Variants in FOCAD observed in about 807,000 individuals in gnomAD.
The protein encoded by FOCAD is KIAA1797.
A neutral mutation model predicts 225.6 loss-of-function variants in FOCAD; 198 were observed. The ratio of observed to expected loss-of-function variants is 0.88; its 90% CI spans 0.78 to 0.99. The LOEUF is 0.99. FOCAD is among the 50% of genes least tolerant of loss of function. The probability of loss-of-function intolerance (pLI) is 0.00; values close to 1 mark genes in which losing one functional copy is unlikely to be tolerated. For synonymous variants in FOCAD, 897 were observed against 755.0 expected (o/e 1.19, Z -3.08); for missense variants, 2,713 against 2,123.6 (o/e 1.28, Z -5.46).
chr9:20,759,190 G>T (rs562921876), intron 6 of FOCAD, among the ~76,000 whole-genome samples: 2 of 152,060 alleles, frequency 1.3e-5, no homozygotes, highest in East Asian at 3.9e-4. Context: ...TGGCCATACT[G>T]CCCAAGGCCA....
In FOCAD at chr9:20,815,123, G is replaced by GTGTTTTTTTTTTTTTTTTTTTTTTTTT. The variant is rs1564024181; in HGVS notation, c.1456-4672_1456-4671insGTTTTTTTTTTTTTTTTTTTTTTTTTT. On this transcript the variant is annotated intron_variant, in intron 11 of 43. Transcript: ENST00000338382. ...TCTGGAAATATCATTACTTCTCTTT[G>GTGTTTTTTTTTTTTTTTTTTTTTTTTT]TTTTTTTTTTTTTGTTTTTTTTTTT... 5.7e-4 allele frequency among the ~76,000 whole-genome samples: 49 copies of GTGTTTTTTTTTTTTTTTTTTTTTTTTT among 85,384 alleles called. 11 individuals carry two copies. The highest frequency in any genetic ancestry group is 2.0e-3 in the South Asian group (5 of 2,522). The allele number at this position is 85,384 out of a possible 152,430, so 56.0% of individuals were successfully genotyped here.
chr9:20,772,822 A>T (rs1295764122), intron 8 of FOCAD, among the ~76,000 whole-genome samples: 1 of 152,022 alleles, frequency 6.6e-6, no homozygotes, highest in Non-Finnish European at 1.5e-5. Context: ...TATGATTAGA[A>T]TGATTTTATA....
rs777436668 is a variant in FOCAD, at chr9:20,978,330, G to T, written c.4262-9G>T. Reference sequence around the variant, plus strand: ...ATATATTCAATTCTTTTCCTTTCTTGACTTTCAGGTGAAGAGATCCAGCAA... The same window carrying T: ...ATATATTCAATTCTTTTCCTTTCTTTACTTTCAGGTGAAGAGATCCAGCAA... On this transcript the variant is annotated splice_polypyrimidine_tract_variant and intron_variant, in intron 36 of 43. Transcript: ENST00000338382. 6.4e-7 allele frequency: 1 copy of T among 1,574,380 alleles called. No homozygotes were observed. The highest frequency in any genetic ancestry group is 1.1e-5 in the South Asian group (1 of 86,976).
chr9:20,721,123 C>T (rs1020954983), intron 4 of FOCAD, among the ~76,000 whole-genome samples: 2 of 152,164 alleles, frequency 1.3e-5, no homozygotes, highest in Non-Finnish European at 2.9e-5. Context: ...TCAAACAGGA[C>T]CATGTTTGAA....
intron 4 of FOCAD, among the ~76,000 whole-genome samples, chr9:20,723,644 T>C (rs753636551): frequency 1.2e-4 from 18 of 152,248 alleles, no homozygotes; most frequent in Non-Finnish European, 2.5e-4. Flanking sequence ...ATGTAATATA[T>C]AATAGAAAAT....
chr9:20,684,663 G>A (rs1822550463), intron 1 of FOCAD: 1 of 152,416 alleles, frequency 6.6e-6, no homozygotes, highest in Non-Finnish European at 1.5e-5. Context: ...GCTGCAGCAG[G>A]TTGCAGTCGT....
intron 11 of FOCAD, among the ~76,000 whole-genome samples, chr9:20,819,373 C>G (rs1727766686): frequency 6.6e-6 from 1 of 151,854 alleles, no homozygotes; most frequent in Non-Finnish European, 1.5e-5. Context: ...ACTATCATGC[C>G]CAGTTAATTT....
At chr9:20,771,189 CAAA>C (rs747003703) in intron 8 of FOCAD, among the ~76,000 whole-genome samples, 1 of 151,964 alleles carries the variant, frequency 6.6e-6, no homozygotes, top group Non-Finnish European at 1.5e-5. Context: ...TTGGCTTATT[CAAA>C]AAAACAAGAG....
At chr9:20,876,883 C>G (rs1830271726) in intron 19 of FOCAD, among the ~76,000 whole-genome samples, 1 of 152,098 alleles carries the variant, frequency 6.6e-6, no homozygotes, top group Non-Finnish European at 1.5e-5. Context: ...TAATTCCTTT[C>G]AAATGAACAC....
intron 14 of FOCAD, 84 bp from the exon 15 acceptor site, chr9:20,822,905 G>A: frequency 7.5e-7 from 1 of 1,325,396 alleles, no homozygotes; most frequent in Non-Finnish European, 1.0e-6. Flanking sequence ...GAAAATGATG[G>A]ATGCTTTTTG....
At chr9:20,698,851 C>G (rs1823601995) in intron 1 of FOCAD, among the ~76,000 whole-genome samples, 1 of 152,050 alleles carries the variant, frequency 6.6e-6, no homozygotes, top group Admixed American at 6.5e-5. Flanking sequence ...AATACTTTTG[C>G]AAAAAGTGTG....
At chr9:20,837,347 A>G (rs1046845202) in intron 15 of FOCAD, among the ~76,000 whole-genome samples, 3 of 152,086 alleles carry the variant, frequency 2.0e-5, no homozygotes, top group African/African-American at 4.8e-5. Flanking sequence ...AAAAGATCAA[A>G]CAAGCTGGAC....
chr9:20,799,660 G>A (rs1821563346), intron 11 of FOCAD, among the ~76,000 whole-genome samples: 1 of 151,750 alleles, frequency 6.6e-6, no homozygotes, highest in South Asian at 2.1e-4. Flanking sequence ...TCCAAGACTA[G>A]GATTACAACC....
At chr9:20,943,255 G>C (rs1342952377) in intron 28 of FOCAD, among the ~76,000 whole-genome samples, 1 of 152,224 alleles carries the variant, frequency 6.6e-6, no homozygotes, top group Admixed American at 6.5e-5. Flanking sequence ...AGCTGTAACA[G>C]CAGTTCTGCC....
At position 20,944,661 on chromosome 9, in the gene FOCAD, T is replaced by A; in HGVS notation, c.3442T>A (p.Ser1148Thr). Residue 1148 changes from serine to threonine, a missense_variant, in exon 29 of 44, where the codon TCC (serine) becomes ACC (threonine). Ser to Thr is a moderately conservative substitution (Grantham distance 58, BLOSUM62 1). Coordinates refer to ENST00000338382, the MANE Select transcript of FOCAD (RefSeq NM_001375567.1). ...TATATTGGGAGTTGGACTTGTTCTG[T>A]CCCTCATGAGCCACAGCAGCCAAAT... ...GCILGVGLVL[S>T]LMSHSSQMQS... 1 of 1,614,058 alleles carries A rather than the reference T, an allele frequency of 6.2e-7. No individual in the cohort carries two copies. The highest frequency in any genetic ancestry group is 1.1e-5 in the South Asian group (1 of 91,058).
chr9:20,854,922 A>T (rs565348431), intron 15 of FOCAD, among the ~76,000 whole-genome samples: 27 of 151,928 alleles, frequency 1.8e-4, no homozygotes, highest in African/African-American at 6.3e-4. Context: ...TCTAAAAACC[A>T]CTGCATACCC....
chr9:20,798,362 A>G (rs1035955811), intron 11 of FOCAD, among the ~76,000 whole-genome samples: 1 of 152,286 alleles, frequency 6.6e-6, no homozygotes, highest in Admixed American at 6.5e-5. Flanking sequence ...CTGGCCTCAT[A>G]AAATGAGTTA....
chr9:20,767,055 A>G lies in FOCAD; in HGVS notation c.699+1982A>G, dbSNP rs1262318715. Among the ~76,000 whole-genome samples the G allele has an allele frequency of 4.0e-5, 6 of 151,012 alleles. No individual in the cohort carries two copies. In the East Asian group the frequency reaches 7.8e-4, roughly 20 times the overall value. On this transcript the variant is annotated intron_variant, in intron 7 of 43. Transcript: ENST00000338382. ...TGATCTCATTGTTCAATTCCCACCT[A>G]TGAGTGAGAATATGTGGTGTTTGGT...
chr9:20,815,290 T>A (rs912312239), intron 11 of FOCAD, among the ~76,000 whole-genome samples: 2 of 149,662 alleles, frequency 1.3e-5, no homozygotes, highest in Non-Finnish European at 3.0e-5. Context: ...TGCACCACCA[T>A]ACCCAGCTAA....
Sources: gnomAD v4.1 joint callset for allele counts (sites outside exome capture counted in the v4.1 genomes callset) on GRCh38, gnomAD v4.1.1 for gene constraint, MANE v1.5 for transcripts, NCBI Gene and HGNC (gene_info 2026-07-23, HGNC 2026-07-21) for gene names.